The following FAM227B variants were observed in gnomAD, a reference collection of about 807,000 sequenced individuals.
FAM227B encodes family with sequence similarity 227 member B.
FAM227B carries 88 observed loss-of-function variants against 73.8 expected under a neutral mutation model. The observed-to-expected ratio is 1.19, with a 90% CI of 1.00 to 1.42. The LOEUF (loss-of-function observed/expected upper bound fraction) is 1.42, where lower values mean the gene tolerates loss of function less well. FAM227B is among the 40% of genes most tolerant of loss of function. FAM227B has a pLI of 0.00. For synonymous variants in FAM227B, 210 were observed against 190.5 expected (o/e 1.10, Z -0.84); for missense variants, 632 against 590.9 (o/e 1.07, Z -0.72).
intron 10 of FAM227B, among the ~76,000 whole-genome samples, chr15:49,535,860 A>C (rs1044024412): frequency 6.6e-6 from 1 of 151,834 alleles, no homozygotes; most frequent in Non-Finnish European, 1.5e-5. Context: ...ATAAAGTTCA[A>C]CATTCTTTTG....
intron 5 of FAM227B, among the ~76,000 whole-genome samples, chr15:49,584,886 C>A (rs937662376): frequency 2.0e-5 from 3 of 152,034 alleles, no homozygotes; most frequent in African/African-American, 7.2e-5. Context: ...AAAGAAACTA[C>A]CATCAGAGTG....
chr15:49,620,631 A>T (rs1312606833), intron 1 of FAM227B, 69 bp downstream of exon 1: 2 of 152,242 alleles, frequency 1.3e-5, no homozygotes, highest in East Asian at 1.9e-4. Context: ...AAGTTCTCAC[A>T]ATCAAAATAT....
At chr15:49,471,649 A>C (rs2054781921) in intron 11 of FAM227B, among the ~76,000 whole-genome samples, 1 of 152,088 alleles carries the variant, frequency 6.6e-6, no homozygotes. Flanking sequence ...TGATTTTCTA[A>C]TCAAGAATGG....
chr15:49,577,281 A>G, intron 6 of FAM227B: 1 of 357,006 alleles, frequency 2.8e-6, no homozygotes, highest in South Asian at 2.3e-5. Flanking sequence ...TGGGCCACAG[A>G]GTGAGGCCCC....
intron 11 of FAM227B, chr15:49,422,823 T>C: frequency 1.1e-6 from 1 of 940,500 alleles, no homozygotes; most frequent in Non-Finnish European, 1.6e-6. Context: ...GGCACTCATA[T>C]GTTAGTTAAC....
intron 11 of FAM227B, among the ~76,000 whole-genome samples, chr15:49,479,974 CAAGTGAACAA>C (rs1052588865): frequency 2.0e-5 from 3 of 152,164 alleles, no homozygotes; most frequent in African/African-American, 7.2e-5. Context: ...CCCCACACTG[CAAGTGAACAA>C]AAGAGTGATA....
chr15:49,469,620 A>C (rs1354047050), intron 11 of FAM227B, among the ~76,000 whole-genome samples: 1 of 152,122 alleles, frequency 6.6e-6, no homozygotes, highest in Non-Finnish European at 1.5e-5. Flanking sequence ...TAATTCAATA[A>C]AGTATTTACT....
chr15:49,379,885 T>C (rs902071604), intron 11 of FAM227B, among the ~76,000 whole-genome samples: 1 of 152,098 alleles, frequency 6.6e-6, no homozygotes, highest in South Asian at 2.1e-4. Flanking sequence ...CTGTAACCAC[T>C]CCCTGGCTAC....
At position 49,588,002 on chromosome 15, in the gene FAM227B, C is replaced by A; in HGVS notation, c.405+14G>T. 1.4e-6 allele frequency: 2 copies of A among 1,430,394 alleles called. No homozygotes were observed. Among genetic ancestry groups the A allele is most frequent in the South Asian group, 1.5e-5 (1 of 67,376 alleles). 88.6% of individuals were successfully genotyped at this position (1,430,394 alleles called of 1,614,324 possible). The stretch of plus-strand genomic sequence containing the variant: ...ATCCAACTTTCAAGGATGATAAAAA[C>A]ATAGATACCATACCATTATCTTTTT... On this transcript the variant is annotated intron_variant, in intron 5 of 15. Transcript: ENST00000299338.
intron 11 of FAM227B, among the ~76,000 whole-genome samples, chr15:49,461,792 C>T (rs1416791472): frequency 3.3e-5 from 5 of 152,184 alleles, no homozygotes. Context: ...AATTATGGTA[C>T]TGATTTAATT....
At chr15:49,382,578 T>C (rs903831702) in intron 11 of FAM227B, among the ~76,000 whole-genome samples, 2 of 152,044 alleles carry the variant, frequency 1.3e-5, no homozygotes, top group Non-Finnish European at 2.9e-5. Flanking sequence ...GCAATTTAAG[T>C]GTAATGAAAG....
chr15:49,549,181 T>C (rs1226028479), intron 9 of FAM227B, among the ~76,000 whole-genome samples: 2 of 152,152 alleles, frequency 1.3e-5, no homozygotes, highest in East Asian at 1.9e-4. Context: ...CCCTATTCCA[T>C]GGATTTTGGC....
chr15:49,331,347 TTTTC>T (rs1402492145), intron 15 of FAM227B: 1 of 154,192 alleles, frequency 6.5e-6, no homozygotes, highest in Non-Finnish European at 1.4e-5. Flanking sequence ...GGCTCCTTTC[TTTTC>T]TTTCTTTCTC....
At chr15:49,358,213 C>T (rs1023215785) in intron 13 of FAM227B, among the ~76,000 whole-genome samples, 3 of 151,018 alleles carry the variant, frequency 2.0e-5, no homozygotes, top group African/African-American at 7.3e-5. Flanking sequence ...TCCTATTCAA[C>T]ATAGTGTTGG....
At position 49,588,797 on chromosome 15, in the gene FAM227B, C is replaced by T. The variant is rs996839945; in HGVS notation, c.338-714G>A. Reference sequence around the variant, plus strand: ...ACAGAAGCTATACATAACTTTTATACATTAAAAATATAAACTTTTAAAAAT... The same window carrying T: ...ACAGAAGCTATACATAACTTTTATATATTAAAAATATAAACTTTTAAAAAT... On this transcript the variant is annotated intron_variant, in intron 4 of 15. Coordinates refer to ENST00000299338, the MANE Select transcript of FAM227B (RefSeq NM_152647.3). Among the ~76,000 whole-genome samples, 296 of 150,176 alleles carry T rather than the reference C, an allele frequency of 2.0e-3. 1 individual carries two copies. The highest frequency in any genetic ancestry group is 6.8e-3 in the African/African-American group (281 of 41,088).
intron 12 of FAM227B, among the ~76,000 whole-genome samples, chr15:49,368,548 G>A (rs2045541480): frequency 6.6e-6 from 1 of 152,134 alleles, no homozygotes; most frequent in Admixed American, 6.5e-5. Flanking sequence ...TTCTTTGCTA[G>A]TAAAAAGTTA....
intron 11 of FAM227B, among the ~76,000 whole-genome samples, chr15:49,497,031 C>G (rs1201831347): frequency 1.3e-5 from 2 of 151,956 alleles, no homozygotes; most frequent in South Asian, 2.1e-4. Flanking sequence ...TACACCTGAA[C>G]AGTCAGCAAT....
In FAM227B at chr15:49,369,447, C is replaced by T. The variant is rs1259805146; in HGVS notation, c.1111-1839G>A. 3.9e-5 allele frequency among the ~76,000 whole-genome samples: 6 copies of T among 152,122 alleles called. No homozygotes were observed. The East Asian group carries it at 9.6e-4, about 24-fold the overall frequency. Reference sequence around the variant, plus strand: ...GACTTTTATTGTCAAGTCAACCTAGCCTAAATTCAAAGAATCAAGCAACTC... The same window carrying T: ...GACTTTTATTGTCAAGTCAACCTAGTCTAAATTCAAAGAATCAAGCAACTC... On this transcript the variant is annotated intron_variant, in intron 12 of 15. Transcript: ENST00000299338.
chr15:49,345,433 T>G (rs1199057840), intron 13 of FAM227B, among the ~76,000 whole-genome samples: 1 of 152,228 alleles, frequency 6.6e-6, no homozygotes, highest in African/African-American at 2.4e-5. Context: ...TGGTTTTCAG[T>G]AGATTTCTGT....
Sources: allele counts gnomAD v4.1 joint callset (sites outside exome capture counted in the v4.1 genomes callset), GRCh38; gene constraint gnomAD v4.1.1; transcripts MANE v1.5; gene names NCBI Gene and HGNC (gene_info 2026-07-23, HGNC 2026-07-21).